ZFHX3: variants seen among roughly 807,000 people sequenced by gnomAD.
The protein encoded by ZFHX3 is zinc finger homeobox 3.
Under a neutral mutation model 279.1 loss-of-function variants are expected in ZFHX3, and 42 were observed. The ratio of observed to expected loss-of-function variants is 0.15; its 90% confidence interval spans 0.12 to 0.19. The LOEUF is 0.19. ZFHX3 is among the 10% of genes least tolerant of loss of function. The pLI, the probability that ZFHX3 is intolerant of heterozygous loss-of-function variation, is 1.00. For missense variants in ZFHX3, 4,981 were observed against 4,754.0 expected (o/e 1.05, Z -1.40); for synonymous variants, 2,293 against 1,957.8 (o/e 1.17, Z -4.52).
At chr16:73,322,525 T>C (rs1048413418) in intron 3 of ZFHX3, among the ~76,000 whole-genome samples, 2 of 152,140 alleles carry the variant, frequency 1.3e-5, no homozygotes, top group African/African-American at 2.4e-5. Flanking sequence ...ATAGCAAACA[T>C]AGGAATAGCC....
chr16:72,898,714 A>C (rs998685756), intron 3 of ZFHX3, among the ~76,000 whole-genome samples: 1 of 149,592 alleles, frequency 6.7e-6, no homozygotes, highest in African/African-American at 2.5e-5. Context: ...ATGCATTTTT[A>C]CCATTATGGG....
intron 5 of ZFHX3, among the ~76,000 whole-genome samples, chr16:73,169,346 G>A (rs1010006002): frequency 6.6e-6 from 1 of 152,142 alleles, no homozygotes; most frequent in Non-Finnish European, 1.5e-5. Flanking sequence ...TTGGTATTAT[G>A]AATCTCTTGT....
chr16:73,319,409 T>A (rs2015526322), intron 3 of ZFHX3, among the ~76,000 whole-genome samples: 1 of 152,030 alleles, frequency 6.6e-6, no homozygotes. Flanking sequence ...GGAAGGAGAA[T>A]CCACATCTTT....
chr16:73,873,950 A>G (rs2029879753), intron 1 of ZFHX3, among the ~76,000 whole-genome samples: 1 of 152,134 alleles, frequency 6.6e-6, no homozygotes, highest in Non-Finnish European at 1.5e-5. Context: ...CAGACACAAC[A>G]GTCAGGAGAG....
rs143518564 is a variant in ZFHX3 at position 73,008,764 on chromosome 16, T to C, written c.-50+38988A>G. 1.4e-3 allele frequency among the ~76,000 whole-genome samples: 219 copies of C among 152,280 alleles called. 1 individual carries two copies. Among genetic ancestry groups the C allele is most frequent in the African/African-American group, 5.1e-3 (211 of 41,546 alleles). ...AAACTTCCATATTTTTTTGATGAAA[T>C]TTAGAGATGGCTTCAATTGAGTAAG... On this transcript the variant is annotated intron_variant, in intron 1 of 9. Transcript: ENST00000268489.
chr16:72,887,342 G>A (rs2038652126), intron 4 of ZFHX3, among the ~76,000 whole-genome samples: 1 of 152,124 alleles, frequency 6.6e-6, no homozygotes, highest in Non-Finnish European at 1.5e-5. Flanking sequence ...TAGGTACCTA[G>A]AAAACCAGAG....
chr16:73,554,110 C>A (rs754302330), intron 2 of ZFHX3, among the ~76,000 whole-genome samples: 3 of 152,142 alleles, frequency 2.0e-5, no homozygotes, highest in Admixed American at 6.5e-5. Context: ...TCTCTTCCTG[C>A]CAAGATTCAT....
chr16:73,052,336 TTA>T (rs1428218144), upstream of ZFHX3, among the ~76,000 whole-genome samples: 2 of 148,484 alleles, frequency 1.3e-5, no homozygotes, highest in South Asian at 2.1e-4. Context: ...GGGTTGGAGT[TTA>T]TTTTTTTTTT....
chr16:72,799,996 A>G (rs747433078), intron 8 of ZFHX3, 31 bp downstream of exon 8: 13 of 1,599,620 alleles, frequency 8.1e-6, no homozygotes, highest in East Asian at 2.2e-5. Context: ...TCTTGTTTCA[A>G]TTTCTTGGGG....
chr16:73,239,474 G>A (rs2013053113), intron 5 of ZFHX3, among the ~76,000 whole-genome samples: 1 of 152,210 alleles, frequency 6.6e-6, no homozygotes, highest in Admixed American at 6.5e-5. Context: ...TTATGCCTCA[G>A]AGAGTTTGTT....
At position 73,281,388 on chromosome 16, in the gene ZFHX3, A is replaced by C. The variant is rs1433392513; in HGVS notation, c.-1193-24252T>G. ...TGAAATAAGCCTGACACAGATAGAC[A>C]AATATTGTATGATATTACTTATATG... On this transcript the variant is annotated intron_variant, in intron 4 of 17. Transcript: ENST00000641206. Among the ~76,000 whole-genome samples the C allele has an allele frequency of 2.0e-5, 3 of 152,324 alleles. No homozygotes were observed. In the East Asian group the frequency reaches 5.8e-4, roughly 29 times the overall value.
intron 1 of ZFHX3, among the ~76,000 whole-genome samples, chr16:73,690,344 G>T (rs1437438815): frequency 6.6e-6 from 1 of 152,152 alleles, no homozygotes. Flanking sequence ...AGCTAACATG[G>T]TATGGTCCCC....
intron 1 of ZFHX3, among the ~76,000 whole-genome samples, chr16:73,717,066 A>G (rs191614554): frequency 2.6e-5 from 4 of 152,222 alleles, no homozygotes; most frequent in Admixed American, 2.6e-4. Context: ...AGAAAAGGAA[A>G]TTTGCAGTAT....
At chr16:73,787,814 AGTGT>A (rs72236616) in intron 1 of ZFHX3, among the ~76,000 whole-genome samples, 1,526 of 137,994 alleles carry the variant, frequency 0.011, 11 homozygotes, top group Middle Eastern at 0.025. Flanking sequence ...GTTTTCTTAA[AGTGT>A]GTGTGTGTGT....
At chr16:73,884,723 C>T (rs2030291081) in intron 1 of ZFHX3, among the ~76,000 whole-genome samples, 1 of 152,146 alleles carries the variant, frequency 6.6e-6, no homozygotes, top group South Asian at 2.1e-4. Flanking sequence ...GCTTCAGAAA[C>T]ACTCTACAAA....
chr16:73,692,877 G>A (rs1035450419), intron 1 of ZFHX3, among the ~76,000 whole-genome samples: 7 of 152,116 alleles, frequency 4.6e-5, no homozygotes, highest in Middle Eastern at 3.2e-3. Flanking sequence ...CCAGAGCTCC[G>A]AATGAAACAA....
chr16:73,361,097 A>G (rs532108799), intron 3 of ZFHX3, among the ~76,000 whole-genome samples: 5 of 152,358 alleles, frequency 3.3e-5, no homozygotes, highest in Admixed American at 3.3e-4. Flanking sequence ...AGCAAATGCC[A>G]CATTGCATGC....
At chr16:73,696,162 A>G (rs2053196026) in intron 1 of ZFHX3, among the ~76,000 whole-genome samples, 1 of 152,214 alleles carries the variant, frequency 6.6e-6, no homozygotes. Context: ...TTTCAGTGGC[A>G]TCAACCCTCT....
chr16:73,345,601 T>C (rs2016109489), intron 3 of ZFHX3, among the ~76,000 whole-genome samples: 1 of 152,212 alleles, frequency 6.6e-6, no homozygotes. Context: ...TCATATTCCA[T>C]GGTGTATATG....
Sources: gnomAD v4.1 joint callset for allele counts (sites outside exome capture counted in the v4.1 genomes callset) on GRCh38, gnomAD v4.1.1 for gene constraint, MANE v1.5 for transcripts, NCBI Gene and HGNC (gene_info 2026-07-23, HGNC 2026-07-21) for gene names.